Variants in KCNQ1 observed in about 807,000 individuals in gnomAD.
KCNQ1 encodes potassium voltage-gated channel subfamily Q member 1, also known as potassium voltage-gated channel subfamily KQT member 1.
KCNQ1 carries 49 observed loss-of-function variants against 72.4 expected under a neutral mutation model. The observed-to-expected ratio is 0.68, with a 90% CI of 0.54 to 0.86. The LOEUF is 0.86. Ranked by LOEUF, KCNQ1 falls within the 40% of genes least tolerant of loss-of-function variation. The pLI is 0.00. For synonymous variants in KCNQ1, 450 were observed against 412.6 expected (o/e 1.09, Z -1.10); for missense variants, 790 against 945.1 (o/e 0.84, Z 2.15).
intron 11 of KCNQ1, chr11:2,665,578 A>G (rs888477112): frequency 5.1e-6 from 2 of 393,650 alleles, no homozygotes; most frequent in African/African-American, 2.1e-5. Flanking sequence ...CATCTTTCCA[A>G]CGTCTGCTCA....
At chr11:2,604,355 G>A (rs1278605664) in intron 10 of KCNQ1, among the ~76,000 whole-genome samples, 1 of 151,668 alleles carries the variant, frequency 6.6e-6, no homozygotes, top group Non-Finnish European at 1.5e-5. Flanking sequence ...GCAGGTGCCT[G>A]TAATTCCAGC....
intron 2 of KCNQ1, among the ~76,000 whole-genome samples, chr11:2,553,680 T>C (rs1848025978): frequency 6.6e-6 from 1 of 151,598 alleles, no homozygotes; most frequent in Non-Finnish European, 1.5e-5. Context: ...ATTTTATTTA[T>C]TTATTTATTT....
Position 2,674,055 on chromosome 11 carries a change from C to T in KCNQ1, c.1514+11974C>T, listed in dbSNP as rs1017162436. ...GGGTGCAGCCCCTCATTTGTACTTG[C>T]TGGCTGCCCCATGGGGGCTTGGGCT... On this transcript the variant is annotated intron_variant, in intron 11 of 15. Coordinates refer to ENST00000155840, the MANE Select transcript of KCNQ1 (RefSeq NM_000218.3). The surrounding 1 kb of genome is among the most constrained non-coding windows in gnomAD (Gnocchi z 5.9). The T allele has an allele frequency of 1.0e-5, 4 of 398,506 alleles. No individual in the cohort carries two copies. Among genetic ancestry groups the T allele is most frequent in the African/African-American group, 8.2e-5 (4 of 48,602 alleles). The allele number at this position is 398,506 out of a possible 1,614,324, so 24.7% of individuals were successfully genotyped here.
chr11:2,846,152 G>A (rs1336484491), intron 15 of KCNQ1, among the ~76,000 whole-genome samples: 1 of 152,174 alleles, frequency 6.6e-6, no homozygotes, highest in African/African-American at 2.4e-5. Flanking sequence ...GAGGGACCAG[G>A]CCCGCCCGGC....
rs150591806 is a variant in KCNQ1 at position 2,493,939 on chromosome 11, A to G, written c.387-33989A>G. Among the ~76,000 whole-genome samples, 80 of 152,336 alleles carry G rather than the reference A, an allele frequency of 5.3e-4. No homozygotes were observed. The East Asian group carries it at 0.013, about 25-fold the overall frequency. ...ATTGAATCTATAAATTACTTTGGGC[A>G]GTATGGCCATTTTCATGATACTGAT... On this transcript the variant is annotated intron_variant, in intron 1 of 15. Transcript: ENST00000155840. This position sits in a 1 kb window ranked among gnomAD's most constrained non-coding sequence, Gnocchi z 5.3.
At chr11:2,765,207 TATTTA>T (rs1158004684) in intron 11 of KCNQ1, among the ~76,000 whole-genome samples, 8 of 152,376 alleles carry the variant, frequency 5.3e-5, no homozygotes, top group African/African-American at 1.4e-4. Flanking sequence ...TTTTTATTAC[TATTTA>T]ATTTAAACTG....
At chr11:2,636,679 T>G (rs1368945471) in intron 10 of KCNQ1, 1 of 152,322 alleles carries the variant, frequency 6.6e-6, no homozygotes, top group East Asian at 1.9e-4. Flanking sequence ...GGCTTTGGTA[T>G]CAGGATGATG....
At chr11:2,461,179 T>TG (rs945773156) in intron 1 of KCNQ1, among the ~76,000 whole-genome samples, 12 of 152,104 alleles carry the variant, frequency 7.9e-5, no homozygotes, top group African/African-American at 2.9e-4. Flanking sequence ...TCCGACCTGG[T>TG]GATGGGTCAG....
chr11:2,500,009 T>A (rs140520643), intron 1 of KCNQ1, among the ~76,000 whole-genome samples: 194 of 152,274 alleles, frequency 1.3e-3, no homozygotes, highest in African/African-American at 4.5e-3. Flanking sequence ...AAGTTAATAA[T>A]GAGACATTTT....
chr11:2,448,885 G>A (rs781463950), intron 1 of KCNQ1, among the ~76,000 whole-genome samples: 9 of 152,326 alleles, frequency 5.9e-5, no homozygotes, highest in East Asian at 3.9e-4. Context: ...CTGTGGCTTC[G>A]TACTAGTTGG....
intron 15 of KCNQ1, among the ~76,000 whole-genome samples, chr11:2,843,922 G>A (rs1358777048): frequency 6.6e-6 from 1 of 152,168 alleles, no homozygotes; most frequent in African/African-American, 2.4e-5. Context: ...TGCAAATAAT[G>A]GTGGAGGCTG....
intron 2 of KCNQ1, among the ~76,000 whole-genome samples, chr11:2,558,795 G>A (rs556163256): frequency 7.4e-4 from 113 of 152,302 alleles, no homozygotes; most frequent in Non-Finnish European, 1.2e-3. Context: ...CCCTCCATGG[G>A]TGGGCAGCCT....
At position 2,559,243 on chromosome 11, in the gene KCNQ1, G is replaced by A. The variant is rs988783348; in HGVS notation, c.478-11385G>A. 5.3e-5 allele frequency among the ~76,000 whole-genome samples: 8 copies of A among 152,202 alleles called. No individual in the cohort carries two copies. Among genetic ancestry groups the A allele is most frequent in the African/African-American group, 1.4e-4 (6 of 41,536 alleles). ...GGAAGCCCGTGGAGAGGATGCATTC[G>A]ACACCCAAGGCCTTATGGAATCAGT... On this transcript the variant is annotated intron_variant, in intron 2 of 15. Transcript: ENST00000155840. The surrounding 1 kb of genome is among the most constrained non-coding windows in gnomAD (Gnocchi z 4.9).
rs751843833 is a variant in KCNQ1 at position 2,595,319 on chromosome 11, A to G, written c.1393+6465A>G. On this transcript the variant is annotated intron_variant, in intron 10 of 15. Coordinates refer to ENST00000155840, the MANE Select transcript of KCNQ1 (RefSeq NM_000218.3). This position sits in a 1 kb window ranked among gnomAD's most constrained non-coding sequence, Gnocchi z 5.0. Reference sequence around the variant, plus strand: ...AGATTAATATGCAAAAATCAATTCCATTCATATATTCTTGCAGCAAATAAC... The same window carrying G: ...AGATTAATATGCAAAAATCAATTCCGTTCATATATTCTTGCAGCAAATAAC... Among the ~76,000 whole-genome samples the G allele has an allele frequency of 2.6e-5, 4 of 152,220 alleles. No individual in the cohort carries two copies. The highest frequency in any genetic ancestry group is 5.9e-5 in the Non-Finnish European group (4 of 68,026).
chr11:2,747,991 C>G (rs750366776), intron 11 of KCNQ1, among the ~76,000 whole-genome samples: 1 of 152,158 alleles, frequency 6.6e-6, no homozygotes, highest in Non-Finnish European at 1.5e-5. Context: ...GCTTCCACCA[C>G]CAGCAGAATA....
In KCNQ1 at chr11:2,715,072, G is replaced by A. The variant is rs769761563; in HGVS notation, c.1514+52991G>A. On this transcript the variant is annotated intron_variant, in intron 11 of 15. Coordinates refer to ENST00000155840, the MANE Select transcript of KCNQ1 (RefSeq NM_000218.3). This position sits in a 1 kb window ranked among gnomAD's most constrained non-coding sequence, Gnocchi z 4.9. ...GGTGAGGAGTAGCAGGGTGGGGTCC[G>A]GCGGTAATGCCACTGATGATACTTG... Among the ~76,000 whole-genome samples the A allele has an allele frequency of 6.6e-6, 1 of 152,056 alleles. No homozygotes were observed. Among genetic ancestry groups the A allele is most frequent in the Non-Finnish European group, 1.5e-5 (1 of 68,004 alleles).
At chr11:2,534,594 G>C (rs1018677703) in intron 2 of KCNQ1, among the ~76,000 whole-genome samples, 1 of 152,336 alleles carries the variant, frequency 6.6e-6, no homozygotes. Flanking sequence ...CTCCCCACTA[G>C]ACTGGTTGCC....
At position 2,669,228 on chromosome 11, in the gene KCNQ1, G is replaced by T. The variant is rs1196800281; in HGVS notation, c.1514+7147G>T. 1 of 398,710 alleles carries T rather than the reference G, an allele frequency of 2.5e-6. No homozygotes were observed. The highest frequency in any genetic ancestry group is 3.6e-5 in the East Asian group (1 of 28,080). 24.7% of individuals were successfully genotyped at this position (398,710 alleles called of 1,614,324 possible). On this transcript the variant is annotated intron_variant, in intron 11 of 15. Transcript: ENST00000155840. The surrounding 1 kb of genome is among the most constrained non-coding windows in gnomAD (Gnocchi z 5.6). Reference sequence around the variant, plus strand: ...CTAACAGGTTTTGACAGCTGGTCCTGCTGGCTCTGGCTGCTTCTCCTTCCC... The same window carrying T: ...CTAACAGGTTTTGACAGCTGGTCCTTCTGGCTCTGGCTGCTTCTCCTTCCC...
At chr11:2,560,743 G>T (rs534665335) in intron 2 of KCNQ1, among the ~76,000 whole-genome samples, 15 of 152,234 alleles carry the variant, frequency 9.9e-5, no homozygotes, top group African/African-American at 3.4e-4. Context: ...TGGGCACAAG[G>T]TGGGTAGTGA....
Sources: allele counts gnomAD v4.1 joint callset (sites outside exome capture counted in the v4.1 genomes callset), GRCh38; gene constraint gnomAD v4.1.1; non-coding constraint Gnocchi (gnomAD v3.1); transcripts MANE v1.5; gene names NCBI Gene and HGNC (gene_info 2026-07-23, HGNC 2026-07-21).